Variants in BLOC1S5 observed in about 807,000 individuals in gnomAD.
BLOC1S5 encodes biogenesis of lysosomal organelles complex 1 subunit 5, also known as biogenesis of lysosome-related organelles complex 1 subunit 5.
BLOC1S5 carries 27 observed loss-of-function variants against 24.3 expected under a neutral mutation model. The ratio of observed to expected loss-of-function variants is 1.11; its 90% CI spans 0.82 to 1.53. BLOC1S5 has a LOEUF of 1.53. Among genes scored for constraint, BLOC1S5 ranks in the 40% most tolerant of loss-of-function variants. The probability of loss-of-function intolerance (pLI) is 0.00; values close to 1 mark genes in which losing one functional copy is unlikely to be tolerated. For missense variants in BLOC1S5, 239 were observed against 229.4 expected, an observed-to-expected ratio of 1.04 and a Z score of -0.27; for synonymous variants, 84 against 74.5, an observed-to-expected ratio of 1.13 and a Z score of -0.66.
chr6:8,060,774 C>T (rs563312813), intron 2 of BLOC1S5, among the ~76,000 whole-genome samples: 3 of 152,250 alleles, frequency 2.0e-5, no homozygotes, highest in African/African-American at 4.8e-5. Context: ...CATATTTATA[C>T]AACACACTGT....
intron 3 of BLOC1S5, among the ~76,000 whole-genome samples, chr6:8,030,178 G>C (rs1456213189): frequency 2.0e-5 from 3 of 151,836 alleles, no homozygotes; most frequent in East Asian, 1.9e-4. Flanking sequence ...TTTTTCTTTT[G>C]AGATGGGGTC....
chr6:8,034,820 A>G (rs1257918288), intron 3 of BLOC1S5, among the ~76,000 whole-genome samples: 1 of 152,190 alleles, frequency 6.6e-6, no homozygotes, highest in African/African-American at 2.4e-5. Context: ...AAGTCATTAT[A>G]TGAAAAAGAC....
chr6:8,050,599 A>C (rs1764073482), intron 2 of BLOC1S5, among the ~76,000 whole-genome samples: 1 of 121,468 alleles, frequency 8.2e-6, no homozygotes, highest in South Asian at 3.3e-4. Context: ...ATGGAAAAGA[A>C]ACTTTTTTTT....
chr6:8,040,699 T>C lies in BLOC1S5; in HGVS notation c.325+440A>G, dbSNP rs1174510377. 7.9e-5 allele frequency among the ~76,000 whole-genome samples: 12 copies of C among 151,790 alleles called. No homozygotes were observed. The East Asian group carries it at 2.1e-3, about 27-fold the overall frequency. ...GGTGAAACCCCATCTCTACTAAAAA[T>C]ACAAAAATTAGCCAGGCATGGTGAG... On this transcript the variant is annotated intron_variant, in intron 3 of 4. Coordinates refer to ENST00000397457, the MANE Select transcript of BLOC1S5 (RefSeq NM_201280.3).
At chr6:8,028,374 A>AAAC (rs1371291720) in intron 3 of BLOC1S5, among the ~76,000 whole-genome samples, 2 of 152,010 alleles carry the variant, frequency 1.3e-5, no homozygotes, top group African/African-American at 4.8e-5. Context: ...TAAAAAAAAA[A>AAAC]AAACAGGAGT....
At chr6:8,049,052 G>A (rs1764012519) in intron 2 of BLOC1S5, among the ~76,000 whole-genome samples, 1 of 101,254 alleles carries the variant, frequency 9.9e-6, no homozygotes, top group South Asian at 4.8e-4. Flanking sequence ...GAGGGGAGGG[G>A]AGAGGAAGGG....
chr6:8,052,212 C>G (rs1764134366), intron 2 of BLOC1S5, among the ~76,000 whole-genome samples: 1 of 152,044 alleles, frequency 6.6e-6, no homozygotes, highest in African/African-American at 2.4e-5. Flanking sequence ...TGTGATCCAC[C>G]CGCCTCGGCC....
chr6:8,049,068 A>C (rs1206130163), intron 2 of BLOC1S5, among the ~76,000 whole-genome samples: 2 of 17,374 alleles, frequency 1.2e-4, no homozygotes, highest in East Asian at 9.1e-3. Flanking sequence ...AAGGGAGGGG[A>C]GGGGAGGGGG....
At chr6:8,046,051 C>G (rs1763884337) in intron 2 of BLOC1S5, among the ~76,000 whole-genome samples, 1 of 152,146 alleles carries the variant, frequency 6.6e-6, no homozygotes, top group Non-Finnish European at 1.5e-5. Context: ...ACCCAAATCT[C>G]AACTTGAATT....
intron 4 of BLOC1S5, among the ~76,000 whole-genome samples, chr6:8,022,194 G>A (rs73363887): frequency 1.6e-4 from 24 of 150,530 alleles, no homozygotes; most frequent in African/African-American, 5.9e-4. Context: ...CTCTTCCCCA[G>A]GAGATTGTTG....
rs748499375 is a variant in BLOC1S5 at position 8,015,706 on chromosome 6, C to G, written c.507G>C (p.Arg169Ser). Residue 169 changes from arginine (R) to serine (S), a missense_variant, in exon 5 of 5, where the codon AGG becomes AGC. Transcript: ENST00000397457. ...CCATCTCAGCATATTGTTCTTTAAG[C>G]CTTTCCATGGCTTTTCTGTGCTCTT... is the stretch of plus-strand genomic sequence containing the variant. ...VDEEHRKAME[R>S]LKEQYAEMEK... 10 of 1,613,984 alleles carry G rather than the reference C, an allele frequency of 6.2e-6. No homozygotes were observed. In the African/African-American group the frequency reaches 6.7e-5, roughly 11 times the overall value.
rs1350639199 is a variant in BLOC1S5, at chr6:8,015,778, C to T, written c.435G>A (p.Trp145Ter). 2.5e-6 allele frequency: 4 copies of T among 1,614,032 alleles called. No individual in the cohort carries two copies. Among genetic ancestry groups the T allele is most frequent in the Non-Finnish European group, 3.4e-6 (4 of 1,179,998 alleles). ...TGGGTTGCTCCTTCATGAAGTTGTCCCACTGGAGCATATGCTGTTTCTCAC... is the reference window on the plus strand; with the variant it reads ...TGGGTTGCTCCTTCATGAAGTTGTCTCACTGGAGCATATGCTGTTTCTCAC... Reference protein sequence around the residue: ...VASEKQHMLQWDNFMKEQPNK... With the variant: ...VASEKQHMLQ The change falls in exon 5 of 5, where the codon TGG (tryptophan) becomes TGA (stop). Residue 145 changes from tryptophan (W) to a stop codon, truncating the protein, a stop_gained. Transcript: ENST00000397457. LOFTEE classifies it high-confidence loss of function.
intron 3 of BLOC1S5, among the ~76,000 whole-genome samples, chr6:8,032,371 A>G (rs886712095): frequency 6.6e-6 from 1 of 152,188 alleles, no homozygotes; most frequent in African/African-American, 2.4e-5. Context: ...CTCAATATCA[A>G]TAATTTTAGG....
chr6:8,041,187 T>C lies in BLOC1S5; in HGVS notation c.277A>G (p.Lys93Glu), dbSNP rs1763667134. 2 of 1,612,642 alleles carry C rather than the reference T, an allele frequency of 1.2e-6. No homozygotes were observed. Among genetic ancestry groups the C allele is most frequent in the South Asian group, 1.1e-5 (1 of 90,614 alleles). Reference protein sequence around the residue: ...IHETNEHTLPKCRDTMRDSLS... With the variant: ...IHETNEHTLPECRDTMRDSLS... ...CTGTCCCGCATTGTGTCTCTACATT[T>C]GGGAAGAGTATGTTCATTTGTTTCA... The change falls in exon 3 of 5, where the codon AAA (lysine) becomes GAA (glutamate). Residue 93 changes from lysine to glutamate, a missense_variant. Lys to Glu is a moderately conservative substitution (Grantham distance 56). Coordinates refer to ENST00000397457, the MANE Select transcript of BLOC1S5 (RefSeq NM_201280.3).
At chr6:8,015,919 G>A (rs917697614) in intron 4 of BLOC1S5, 91 bp from the exon 5 acceptor site, 2 of 1,210,076 alleles carry the variant, frequency 1.7e-6, no homozygotes, top group African/African-American at 1.5e-5. Context: ...GTAACAATCA[G>A]CTGGTAAGTC....
At chr6:8,055,306 G>A (rs539795745) in intron 2 of BLOC1S5, among the ~76,000 whole-genome samples, 1 of 152,316 alleles carries the variant, frequency 6.6e-6, no homozygotes, top group South Asian at 2.1e-4. Flanking sequence ...GTGGTGGCGT[G>A]TGCCTGCAAT....
intron 2 of BLOC1S5, among the ~76,000 whole-genome samples, chr6:8,047,172 ACACACACAC>A (rs1581424071): frequency 1.6e-5 from 2 of 126,346 alleles, no homozygotes; most frequent in African/African-American, 5.6e-5. Context: ...ACACACACAC[ACACACACAC>A]ACACACACAC....
intron 4 of BLOC1S5, among the ~76,000 whole-genome samples, chr6:8,021,335 A>G (rs1308972599): frequency 1.3e-5 from 2 of 152,238 alleles, no homozygotes; most frequent in African/African-American, 4.8e-5. Context: ...GCGGTGGCTC[A>G]CGCCTGTAAT....
chr6:8,055,643 T>C (rs1451100022), intron 2 of BLOC1S5, among the ~76,000 whole-genome samples: 1 of 152,250 alleles, frequency 6.6e-6, no homozygotes, highest in Non-Finnish European at 1.5e-5. Flanking sequence ...TAGAGTTGTA[T>C]AACTCCCTTT....
Sources: gnomAD v4.1 joint callset for allele counts (sites outside exome capture counted in the v4.1 genomes callset) on GRCh38, gnomAD v4.1.1 for gene constraint, MANE v1.5 for transcripts, NCBI Gene and HGNC (gene_info 2026-07-23, HGNC 2026-07-21) for gene names.